The following GALNT14 variants were observed in gnomAD, a reference collection of about 807,000 sequenced individuals.
The protein encoded by GALNT14 is UDP-GalNAc:polypeptide N-acetylgalactosaminyltransferase 14.
A neutral mutation model predicts 77.5 loss-of-function variants in GALNT14; 60 were observed. That is an observed-to-expected ratio of 0.77 (90% CI 0.63 to 0.96). The LOEUF is 0.96. GALNT14 is among the 40% of genes least tolerant of loss of function. GALNT14 has a pLI of 0.00. For missense variants in GALNT14, 710 were observed against 731.0 expected, an observed-to-expected ratio of 0.97 and a Z score of 0.33; for synonymous variants, 280 against 281.7, an observed-to-expected ratio of 0.99 and a Z score of 0.06.
At chr2:30,891,116 C>T in the GALNT14 span, among the ~76,000 whole-genome samples, 1 of 152,126 alleles carries the variant, frequency 6.6e-6, no homozygotes, top group Non-Finnish European at 1.5e-5. Flanking sequence ...GACATATGGG[C>T]TACAATATTA....
At chr2:30,929,790 T>C (rs1665617488) in intron 10 of GALNT14, among the ~76,000 whole-genome samples, 1 of 152,248 alleles carries the variant, frequency 6.6e-6, no homozygotes, top group Non-Finnish European at 1.5e-5. Flanking sequence ...AATATTTGCA[T>C]ATACATAATG....
intron 1 of GALNT14, among the ~76,000 whole-genome samples, chr2:31,008,112 G>T (rs1670792262): frequency 1.3e-5 from 2 of 152,036 alleles, no homozygotes; most frequent in African/African-American, 4.8e-5. Context: ...TGGAGACAGG[G>T]TCTTGCTTTG....
chr2:30,989,629 TA>T (rs1347201718), intron 2 of GALNT14, among the ~76,000 whole-genome samples: 1 of 140,226 alleles, frequency 7.1e-6, no homozygotes, highest in African/African-American at 2.6e-5. Flanking sequence ...TTAGTATATA[TA>T]AAAATATATA....
the GALNT14 span, among the ~76,000 whole-genome samples, chr2:30,892,608 T>C: frequency 6.6e-6 from 1 of 152,220 alleles, no homozygotes; most frequent in Non-Finnish European, 1.5e-5. Context: ...CCTTGGAAGG[T>C]AGAAACAATG....
intron 1 of GALNT14, among the ~76,000 whole-genome samples, chr2:31,103,621 A>C: frequency 6.6e-6 from 1 of 152,108 alleles, no homozygotes; most frequent in Non-Finnish European, 1.5e-5. Context: ...ATTAAGTATA[A>C]TTATGCTTAT....
At chr2:31,083,141 T>C (rs1431863030) in intron 1 of GALNT14, among the ~76,000 whole-genome samples, 2 of 152,194 alleles carry the variant, frequency 1.3e-5, no homozygotes, top group Non-Finnish European at 2.9e-5. Flanking sequence ...ATATGGGGCA[T>C]CCAGTGCTAT....
At chr2:31,088,112 T>C (rs1459481420) in intron 1 of GALNT14, among the ~76,000 whole-genome samples, 1 of 152,140 alleles carries the variant, frequency 6.6e-6, no homozygotes, top group African/African-American at 2.4e-5. Flanking sequence ...TGGTATTCTG[T>C]TATAGCAGCC....
chr2:30,955,491 G>C, intron 6 of GALNT14, 127 bp downstream of exon 6: 1 of 1,282,380 alleles, frequency 7.8e-7, no homozygotes, highest in Non-Finnish European at 1.1e-6. Flanking sequence ...AATAAAATCG[G>C]GACTGCGATC....
chr2:31,038,076 ATATATATATTTTTTTTTTTTT>A (rs1672856758), intron 1 of GALNT14, among the ~76,000 whole-genome samples: 1 of 76,082 alleles, frequency 1.3e-5, no homozygotes, highest in African/African-American at 6.4e-5. Flanking sequence ...ATATATATAT[ATATATATATTTTTTTTTTTTT>A]TTTTTTTTTT....
the GALNT14 span, among the ~76,000 whole-genome samples, chr2:30,886,839 C>A: frequency 6.6e-6 from 1 of 152,194 alleles, no homozygotes; most frequent in African/African-American, 2.4e-5. Context: ...ACAACCAACA[C>A]CTTGATCTTG....
intron 13 of GALNT14, among the ~76,000 whole-genome samples, chr2:30,921,253 T>C (rs1211668032): frequency 1.3e-5 from 2 of 152,224 alleles, no homozygotes; most frequent in Non-Finnish European, 2.9e-5. Context: ...AAAAGTCCCC[T>C]GTTCTGCTGG....
At chr2:31,065,226 G>A (rs907555898) in intron 1 of GALNT14, 2 of 151,868 alleles carry the variant, frequency 1.3e-5, no homozygotes, top group African/African-American at 4.8e-5. Context: ...GAGCCCTGAG[G>A]GCAAAGGTGA....
At chr2:30,902,068 C>A in the GALNT14 span, among the ~76,000 whole-genome samples, 35 of 152,304 alleles carry the variant, frequency 2.3e-4, no homozygotes, top group African/African-American at 8.4e-4. Context: ...TGAGGGCTCT[C>A]ATTCAGCATC....
intron 11 of GALNT14, among the ~76,000 whole-genome samples, chr2:30,926,382 A>G (rs556972728): frequency 6.7e-4 from 102 of 152,276 alleles, no homozygotes; most frequent in Middle Eastern, 3.4e-3. Context: ...GAAATATCAG[A>G]TGAGGAGTAA....
intron 13 of GALNT14, among the ~76,000 whole-genome samples, chr2:30,922,234 A>G (rs1665076897): frequency 6.7e-6 from 1 of 149,198 alleles, no homozygotes; most frequent in South Asian, 2.1e-4. Context: ...GAGAAAGTCC[A>G]GGTAGGAGAT....
intron 3 of GALNT14, among the ~76,000 whole-genome samples, chr2:30,962,038 T>A (rs745405289): frequency 5.1e-4 from 78 of 152,120 alleles, no homozygotes; most frequent in Admixed American, 1.0e-3. Context: ...TGTGTTTTAA[T>A]AAGCCCTCCG....
chr2:31,024,692 A>AG (rs1355637162), intron 1 of GALNT14, among the ~76,000 whole-genome samples: 1 of 152,160 alleles, frequency 6.6e-6, no homozygotes, highest in Non-Finnish European at 1.5e-5. Flanking sequence ...CTCTTGCTAG[A>AG]ATGTTGGCCT....
intron 6 of GALNT14, among the ~76,000 whole-genome samples, chr2:30,953,044 G>T (rs1018734564): frequency 2.6e-4 from 39 of 152,250 alleles, no homozygotes; most frequent in Admixed American, 9.8e-4. Context: ...TTCTTCCCCA[G>T]CTAAGTACTC....
chr2:31,062,673 C>T (rs1674679496), intron 1 of GALNT14, among the ~76,000 whole-genome samples: 1 of 152,186 alleles, frequency 6.6e-6, no homozygotes, highest in African/African-American at 2.4e-5. Context: ...TTTCCACTCC[C>T]ATCAACAGTG....
Sources: gnomAD v4.1 joint callset for allele counts (sites outside exome capture counted in the v4.1 genomes callset) on GRCh38, gnomAD v4.1.1 for gene constraint, MANE v1.5 for transcripts, NCBI Gene and HGNC (gene_info 2026-07-23, HGNC 2026-07-21) for gene names.